NRG3: variants seen among roughly 807,000 people sequenced by gnomAD.
NRG3 encodes the protein neuregulin 3, also known as pro-neuregulin-3, membrane-bound isoform.
A neutral mutation model predicts 66.9 loss-of-function variants in NRG3; 31 were observed. That is an observed-to-expected ratio of 0.46 (90% CI 0.35 to 0.63). The LOEUF (loss-of-function observed/expected upper bound fraction) is 0.63, where lower values mean the gene tolerates loss of function less well. Among genes scored for constraint, NRG3 ranks in the 20% least tolerant of loss-of-function variants. The probability of loss-of-function intolerance (pLI) is 0.00; values close to 1 mark genes in which losing one functional copy is unlikely to be tolerated. For missense variants in NRG3, 910 were observed against 878.9 expected, an observed-to-expected ratio of 1.04 and a Z score of -0.45; for synonymous variants, 393 against 359.4, an observed-to-expected ratio of 1.09 and a Z score of -1.06.
At chr10:82,978,080 C>T (rs1384179438) in intron 7 of NRG3, among the ~76,000 whole-genome samples, 4 of 152,114 alleles carry the variant, frequency 2.6e-5, no homozygotes, top group Non-Finnish European at 5.9e-5. Context: ...AAACTAGCAT[C>T]TCGTGGAATG....
At chr10:82,104,591 A>G (rs2066950153) in intron 1 of NRG3, among the ~76,000 whole-genome samples, 1 of 152,206 alleles carries the variant, frequency 6.6e-6, no homozygotes, top group South Asian at 2.1e-4. Context: ...TGCTGTGTGA[A>G]AAAGGTAGTC....
chr10:82,129,903 C>T (rs141742031), intron 1 of NRG3, among the ~76,000 whole-genome samples: 167 of 152,150 alleles, frequency 1.1e-3, no homozygotes, highest in African/African-American at 3.9e-3. Flanking sequence ...TGACTGTAAT[C>T]ACCCTATTCT....
chr10:82,603,966 A>G (rs2047798843), intron 2 of NRG3, among the ~76,000 whole-genome samples: 1 of 152,184 alleles, frequency 6.6e-6, no homozygotes, highest in Non-Finnish European at 1.5e-5. Flanking sequence ...TATGACCCTT[A>G]ACTGCCTATC....
chr10:82,058,443 A>G (rs953512319), intron 1 of NRG3, among the ~76,000 whole-genome samples: 5 of 151,862 alleles, frequency 3.3e-5, no homozygotes, highest in African/African-American at 7.2e-5. Context: ...TCTTCCTAGA[A>G]TTAATATTTT....
chr10:82,808,547 A>G (rs2061373728), intron 3 of NRG3, among the ~76,000 whole-genome samples: 1 of 152,238 alleles, frequency 6.6e-6, no homozygotes, highest in African/African-American at 2.4e-5. Flanking sequence ...ATGATTATAT[A>G]TGTGATTAAC....
chr10:82,065,460 G>C (rs1436851143), intron 1 of NRG3, among the ~76,000 whole-genome samples: 1 of 152,114 alleles, frequency 6.6e-6, no homozygotes, highest in Non-Finnish European at 1.5e-5. Flanking sequence ...TATATACATT[G>C]TGTCAGTTTG....
chr10:82,512,166 TA>T (rs1438347971), intron 2 of NRG3, among the ~76,000 whole-genome samples: 2 of 151,848 alleles, frequency 1.3e-5, no homozygotes, highest in Non-Finnish European at 2.9e-5. Flanking sequence ...GAGCTTATTA[TA>T]AAATCTATGA....
intron 1 of NRG3, among the ~76,000 whole-genome samples, chr10:82,221,269 GA>G (rs35476455): frequency 0.14 from 19,226 of 139,674 alleles, 1,266 homozygotes; most frequent in African/African-American, 0.18. Context: ...AGAGAAAGAG[GA>G]AAAAAAAAAA....
intron 1 of NRG3, among the ~76,000 whole-genome samples, chr10:82,115,386 A>G (rs113882590): frequency 0.013 from 1,954 of 152,292 alleles, 45 homozygotes; most frequent in African/African-American, 0.044. Flanking sequence ...TATAGACACC[A>G]TGCCTGATTG....
At chr10:82,906,348 T>G (rs745849351) in intron 4 of NRG3, among the ~76,000 whole-genome samples, 9 of 152,208 alleles carry the variant, frequency 5.9e-5, no homozygotes, top group Non-Finnish European at 1.3e-4. Flanking sequence ...TTAAAATACC[T>G]TGTGGCATAA....
chr10:82,256,126 A>G (rs960607246), intron 1 of NRG3, among the ~76,000 whole-genome samples: 8 of 151,234 alleles, frequency 5.3e-5, no homozygotes, highest in African/African-American at 1.9e-4. Flanking sequence ...GTTTCACCAT[A>G]TTGGCCAGGC....
intron 1 of NRG3, among the ~76,000 whole-genome samples, chr10:82,017,652 C>A (rs1029726815): frequency 2.6e-5 from 4 of 152,132 alleles, no homozygotes; most frequent in African/African-American, 9.7e-5. Flanking sequence ...GAGATGGTAT[C>A]TCATTGTGGT....
At chr10:82,421,050 C>G (rs773357223) in intron 2 of NRG3, among the ~76,000 whole-genome samples, 1 of 152,078 alleles carries the variant, frequency 6.6e-6, no homozygotes, top group Non-Finnish European at 1.5e-5. Flanking sequence ...TCATCAGTAT[C>G]TGTTTGTGCT....
At chr10:82,053,495 A>C (rs578049240) in intron 1 of NRG3, among the ~76,000 whole-genome samples, 1 of 152,308 alleles carries the variant, frequency 6.6e-6, no homozygotes, top group African/African-American at 2.4e-5. Flanking sequence ...AGACACTCAG[A>C]TCAGTTTCAC....
chr10:82,515,463 G>A (rs1160446777), intron 2 of NRG3, among the ~76,000 whole-genome samples: 1 of 152,172 alleles, frequency 6.6e-6, no homozygotes, highest in East Asian at 1.9e-4. Context: ...GGGAAGAAGA[G>A]CTGCTATGTG....
intron 4 of NRG3, among the ~76,000 whole-genome samples, chr10:82,919,247 T>G (rs1350201425): frequency 6.6e-6 from 1 of 152,152 alleles, no homozygotes; most frequent in African/African-American, 2.4e-5. Context: ...CATTTAGCAT[T>G]GTACATACGT....
intron 1 of NRG3, among the ~76,000 whole-genome samples, chr10:81,916,776 G>A (rs1845753296): frequency 6.6e-6 from 1 of 152,172 alleles, no homozygotes; most frequent in African/African-American, 2.4e-5. Context: ...TGAGTTCCAT[G>A]AGGACAGCCA....
At chr10:82,346,545 G>T (rs1218834381) in intron 1 of NRG3, among the ~76,000 whole-genome samples, 2 of 152,082 alleles carry the variant, frequency 1.3e-5, no homozygotes, top group African/African-American at 4.8e-5. Context: ...TTGAGTCTCT[G>T]CCCAGCTTTG....
At chr10:82,358,610 G>A in intron 1 of NRG3, 129 bp from the exon 2 acceptor site, 1 of 1,260,312 alleles carries the variant, frequency 7.9e-7, no homozygotes, top group South Asian at 1.3e-5. Flanking sequence ...GGTTGGAGCT[G>A]TCTGTCTAGA....
Sources: gnomAD v4.1 joint callset for allele counts (sites outside exome capture counted in the v4.1 genomes callset) on GRCh38, gnomAD v4.1.1 for gene constraint, MANE v1.5 for transcripts, NCBI Gene and HGNC (gene_info 2026-07-23, HGNC 2026-07-21) for gene names.